The following PARS2 variants were observed in gnomAD, a reference collection of about 807,000 sequenced individuals.
PARS2 encodes prolyl-tRNA synthetase 2, mitochondrial.
PARS2 carries 20 observed loss-of-function variants against 27.4 expected under a neutral mutation model. The observed-to-expected ratio is 0.73, with a 90% CI of 0.51 to 1.06. PARS2 has a LOEUF of 1.06. Ranked by LOEUF, PARS2 falls within the 50% of genes least tolerant of loss-of-function variation. The pLI, the probability that PARS2 is intolerant of heterozygous loss-of-function variation, is 0.00. For synonymous variants in PARS2, 240 were observed against 247.1 expected (o/e 0.97, Z 0.27); for missense variants, 585 against 602.1 (o/e 0.97, Z 0.30).
At position 54,758,880 on chromosome 1, in the gene PARS2, G is replaced by A. The variant is rs200241187; in HGVS notation, c.282C>T (p.Thr94=). The A allele has an allele frequency of 6.2e-6, 10 of 1,614,190 alleles. No homozygotes were observed. Among genetic ancestry groups the A allele is most frequent in the South Asian group, 1.1e-5 (1 of 91,086 alleles). ...GCACGAGCTTCTCCATGGCACGGAC[G>A]GTATATGGCAGGAGGTGGTAACAGC... ...SPGCYHLLPY[T]VRAMEKLVRV... is the part of the protein sequence containing the mutation. Residue 94 remains threonine, a synonymous_variant, in exon 2 of 2, where the codon ACC becomes ACT. Transcript: ENST00000371279.
intron 1 of PARS2, among the ~76,000 whole-genome samples, chr1:54,761,087 T>C (rs1457128673): frequency 6.6e-6 from 1 of 152,166 alleles, no homozygotes; most frequent in African/African-American, 2.4e-5. Context: ...CCCATGCCCA[T>C]TCTTAAACAT....
intron 1 of PARS2, among the ~76,000 whole-genome samples, chr1:54,760,018 A>AT (rs899760842): frequency 5.3e-5 from 8 of 151,514 alleles, no homozygotes; most frequent in African/African-American, 1.7e-4. Flanking sequence ...AAAAAAAAAA[A>AT]GGAAAAGAAA....
intron 1 of PARS2, among the ~76,000 whole-genome samples, chr1:54,760,397 CCTCT>C (rs779478107): frequency 1.8e-4 from 27 of 152,220 alleles, no homozygotes; most frequent in African/African-American, 2.7e-4. Context: ...CTGCTCTGCT[CCTCT>C]CTGTGTCCCA....
rs141040125 is a variant in PARS2, at chr1:54,757,863, C to T, written c.1299G>A (p.Val433=). The T allele has an allele frequency of 4.5e-4, 728 of 1,614,216 alleles. 4 individuals are homozygous for T. Among genetic ancestry groups the T allele is most frequent in the South Asian group, 4.5e-3 (406 of 91,084 alleles). ...KDANKFGYPF[V]IIAGKRALED... Reference sequence around the variant, plus strand: ...CCAGGGCCCTCTTGCCAGCGATTATCACAAAGGGGTAGCCAAACTTGTTGG... The same window carrying T: ...CCAGGGCCCTCTTGCCAGCGATTATTACAAAGGGGTAGCCAAACTTGTTGG... Residue 433 remains valine (V), a synonymous_variant, in exon 2 of 2, where the codon GTG becomes GTA. Coordinates refer to ENST00000371279, the MANE Select transcript of PARS2 (RefSeq NM_152268.4).
chr1:54,760,911 T>A (rs1646152306), intron 1 of PARS2, among the ~76,000 whole-genome samples: 1 of 152,132 alleles, frequency 6.6e-6, no homozygotes, highest in African/African-American at 2.4e-5. Context: ...CCCGAGTAAC[T>A]GGGACTACAG....
Position 54,758,330 on chromosome 1 carries a change from A to G in PARS2, c.832T>C (p.Phe278Leu), listed in dbSNP as rs890009742. Residue 278 changes from phenylalanine (F) to leucine (L), a missense_variant, in exon 2 of 2, where the codon TTC becomes CTC. Coordinates refer to ENST00000371279, the MANE Select transcript of PARS2 (RefSeq NM_152268.4). Reference protein sequence around the residue: ...DRLAICPRCSFSANMETLDLS... With the variant: ...DRLAICPRCSLSANMETLDLS... ...TCTAGTGTCTCCATGTTGGCTGAGA[A>G]GCTGCAGCGGGGACAGATGGCAAGC... 6.2e-7 allele frequency: 1 copy of G among 1,614,206 alleles called. No homozygotes were observed. The highest frequency in any genetic ancestry group is 8.5e-7 in the Non-Finnish European group (1 of 1,180,024).
chr1:54,757,505 A>C lies in PARS2; in HGVS notation c.*229T>G. The stretch of plus-strand genomic sequence containing the variant: ...AGCTTCCACAATGGAATACAAAAGG[A>C]AAGGTATATGGCGGCATGGCCAGTC... On this transcript the variant is annotated 3_prime_UTR_variant, in exon 2 of 2. Coordinates refer to ENST00000371279, the MANE Select transcript of PARS2 (RefSeq NM_152268.4). 1 of 439,046 alleles carries C rather than the reference A, an allele frequency of 2.3e-6. No individual in the cohort carries two copies. Among genetic ancestry groups the C allele is most frequent in the Non-Finnish European group, 4.0e-6 (1 of 248,658 alleles). The allele number at this position is 439,046 out of a possible 1,614,324, so 27.2% of individuals were successfully genotyped here. A position where few individuals can be genotyped will look rare whatever the true frequency, so the allele number is the denominator to read the frequency against.
Position 54,758,703 on chromosome 1 carries a change from G to A in PARS2, c.459C>T (p.Cys153=). The A allele has an allele frequency of 6.2e-7, 1 of 1,614,210 alleles. No homozygotes were observed. Residue 153 remains cysteine (C), a synonymous_variant, in exon 2 of 2, where the codon TGC becomes TGT. Coordinates refer to ENST00000371279, the MANE Select transcript of PARS2 (RefSeq NM_152268.4). ...RLRDRHGKEY[C]LGPTHEEAIT... is the part of the protein sequence containing the mutation. ...TGGCTTCCTCGTGAGTTGGTCCTAAGCAGTATTCCTTGCCATGCCTGTCTC... is the reference window on the plus strand; with the variant it reads ...TGGCTTCCTCGTGAGTTGGTCCTAAACAGTATTCCTTGCCATGCCTGTCTC...
chr1:54,764,266 A>G (rs1255961732), intron 1 of PARS2, among the ~76,000 whole-genome samples, 195 bp downstream of exon 1: 14 of 152,298 alleles, frequency 9.2e-5, no homozygotes, highest in African/African-American at 3.4e-4. Context: ...TGCTGCCCTC[A>G]TTTTACAACG....
chr1:54,757,983 C>A lies in PARS2; in HGVS notation c.1179G>T (p.Leu393=). 1.2e-6 allele frequency: 2 copies of A among 1,614,146 alleles called. No individual in the cohort carries two copies. The highest frequency in any genetic ancestry group is 1.7e-6 in the Non-Finnish European group (2 of 1,180,002). ...EQAASELIGQ[L]YDHITEAVPQ... ...GCACTGCCTCTGTGATGTGGTCGTA[C>A]AGCTGCCCTATGAGCTCGGAGGCCG... Residue 393 remains leucine, a synonymous_variant, in exon 2 of 2, where the codon CTG becomes CTT. Transcript: ENST00000371279.
intron 1 of PARS2, among the ~76,000 whole-genome samples, chr1:54,764,237 C>T (rs1308591050): frequency 6.6e-6 from 1 of 152,194 alleles, no homozygotes; most frequent in African/African-American, 2.4e-5. Context: ...TCACGACGAC[C>T]GAGGGAGAGA....
chr1:54,759,268 C>T (rs949531265), intron 1 of PARS2, 78 bp from the exon 2 acceptor site: 17 of 830,776 alleles, frequency 2.0e-5, no homozygotes, highest in Non-Finnish European at 2.9e-5. Context: ...AGCCTGCTCT[C>T]AACAAACTTC....
chr1:54,757,725 TGG>T lies in PARS2; in HGVS notation c.*7_*8del. ...GCTGCAAATGGGGGCAGGGGTGGGC[TGG>T]GGGCATTTAGACAGTCTGCACTGGG... On this transcript the variant is annotated 3_prime_UTR_variant, in exon 2 of 2. Transcript: ENST00000371279. 1 of 1,568,172 alleles carries T rather than the reference TGG, an allele frequency of 6.4e-7. No homozygotes were observed.
At position 54,759,178 on chromosome 1, in the gene PARS2, G is replaced by C; in HGVS notation, c.-17C>G. ...CCCTTCCATGACACCCTGGCACCGGGAAGCACAGGCACCTGAGGAAAAATG... is the reference window on the plus strand; with the variant it reads ...CCCTTCCATGACACCCTGGCACCGGCAAGCACAGGCACCTGAGGAAAAATG... On this transcript the variant is annotated 5_prime_UTR_variant, in exon 2 of 2. Coordinates refer to ENST00000371279, the MANE Select transcript of PARS2 (RefSeq NM_152268.4). 6.4e-7 allele frequency: 1 copy of C among 1,559,418 alleles called. No homozygotes were observed. The highest frequency in any genetic ancestry group is 8.7e-7 in the Non-Finnish European group (1 of 1,147,466).
chr1:54,760,075 G>C (rs1360503956), intron 1 of PARS2, among the ~76,000 whole-genome samples: 1 of 151,696 alleles, frequency 6.6e-6, no homozygotes, highest in Non-Finnish European at 1.5e-5. Flanking sequence ...CTGACGTTTT[G>C]TTGCCATCTG....
At chr1:54,759,605 T>G (rs1646142589) in intron 1 of PARS2, among the ~76,000 whole-genome samples, 1 of 152,174 alleles carries the variant, frequency 6.6e-6, no homozygotes, top group African/African-American at 2.4e-5. Flanking sequence ...TTGTGGACAC[T>G]TAGAAGAGTT....
chr1:54,758,822 C>A lies in PARS2; in HGVS notation c.340G>T (p.Gly114Cys), dbSNP rs778638516. The A allele has an allele frequency of 6.2e-7, 1 of 1,614,076 alleles. No individual in the cohort carries two copies. Among genetic ancestry groups the A allele is most frequent in the Non-Finnish European group, 8.5e-7 (1 of 1,180,042 alleles). The change falls in exon 2 of 2, where the codon GGC becomes TGC. Residue 114 changes from glycine (G) to cysteine (C), a missense_variant. Coordinates refer to ENST00000371279, the MANE Select transcript of PARS2 (RefSeq NM_152268.4). ...VIDQEMQAIG[G>C]QKVNMPSLSP... ...AGGCTGGGCATGTTGACTTTCTGGC[C>A]CCCGATGGCCTGCATCTCCTGGTCT...
rs775053870 is a variant in PARS2 at position 54,758,023 on chromosome 1, C to A, written c.1139G>T (p.Gly380Val). ...CTCGGAGGCCGCCTGCTCCTTACTG[C>A]CCTTCTTAGGGGGGATGAGGCAGGC... Reference protein sequence around the residue: ...YQACLIPPKKGSKEQAASELI... With the variant: ...YQACLIPPKKVSKEQAASELI... Residue 380 changes from glycine (G) to valine (V), a missense_variant, in exon 2 of 2, where the codon GGC (glycine) becomes GTC (valine). Gly to Val is a moderately radical substitution (Grantham distance 109, BLOSUM62 -3). Coordinates refer to ENST00000371279, the MANE Select transcript of PARS2 (RefSeq NM_152268.4). 1.2e-6 allele frequency: 2 copies of A among 1,614,120 alleles called. No individual in the cohort carries two copies. The highest frequency in any genetic ancestry group is 8.5e-7 in the Non-Finnish European group (1 of 1,180,018).
rs730882152 is a variant in PARS2 at position 54,758,031 on chromosome 1, AG to A, written c.1130del (p.Pro377LeufsTer14). On this transcript the variant is annotated frameshift_variant, in exon 2 of 2. Transcript: ENST00000371279. LOFTEE classifies it high-confidence loss of function. Reference protein sequence around the residue: ...LAPYQACLIPPKKGSKEQAAS... With the variant: ...LAPYQACLIPXKKGSKEQAAS... The stretch of plus-strand genomic sequence containing the variant: ...CCGCCTGCTCCTTACTGCCCTTCTT[AG>A]GGGGGATGAGGCAGGCTTGGTAAGG... The A allele has an allele frequency of 2.5e-6, 4 of 1,613,916 alleles. No homozygotes were observed. Among genetic ancestry groups the A allele is most frequent in the Non-Finnish European group, 3.4e-6 (4 of 1,179,948 alleles).
Sources: allele counts gnomAD v4.1 joint callset (sites outside exome capture counted in the v4.1 genomes callset), GRCh38; gene constraint gnomAD v4.1.1; transcripts MANE v1.5; gene names NCBI Gene and HGNC (gene_info 2026-07-23, HGNC 2026-07-21).